Variants in TNFRSF11A observed in about 807,000 individuals in gnomAD.
TNFRSF11A encodes the protein TNF receptor superfamily member 11a.
TNFRSF11A carries 32 observed loss-of-function variants against 55.7 expected under a neutral mutation model. The ratio of observed to expected loss-of-function variants is 0.57; its 90% CI spans 0.43 to 0.77. The LOEUF (loss-of-function observed/expected upper bound fraction) is 0.77, where lower values mean the gene tolerates loss of function less well. TNFRSF11A is among the 30% of genes least tolerant of loss of function. The pLI is 0.00. For missense variants in TNFRSF11A, 753 were observed against 809.8 expected (o/e 0.93, Z 0.85); for synonymous variants, 311 against 331.0 (o/e 0.94, Z 0.65).
At chr18:62,326,131 A>G (rs957933977) in intron 1 of TNFRSF11A, among the ~76,000 whole-genome samples, 3 of 152,252 alleles carry the variant, frequency 2.0e-5, no homozygotes, top group Non-Finnish European at 2.9e-5. Flanking sequence ...AGGGAAGCAC[A>G]CCCAGCACAA....
At chr18:62,369,659 G>A (rs1443062090) in intron 9 of TNFRSF11A, among the ~76,000 whole-genome samples, 175 bp downstream of exon 9, 2 of 152,202 alleles carry the variant, frequency 1.3e-5, no homozygotes, top group Non-Finnish European at 2.9e-5. Flanking sequence ...CACGTGTTTG[G>A]TTATACACTG....
chr18:62,362,443 T>A (rs200302314), intron 7 of TNFRSF11A, among the ~76,000 whole-genome samples: 1 of 126,786 alleles, frequency 7.9e-6, no homozygotes, highest in East Asian at 2.4e-4. Flanking sequence ...TGAGCCAAGA[T>A]CATGCCATTG....
At chr18:62,377,054 C>T (rs757098574) in intron 9 of TNFRSF11A, among the ~76,000 whole-genome samples, 13 of 152,190 alleles carry the variant, frequency 8.5e-5, no homozygotes, top group Non-Finnish European at 1.6e-4. Context: ...GCTGGGACTA[C>T]AGGCGCCTGC....
chr18:62,374,797 C>G (rs190181119), intron 9 of TNFRSF11A, among the ~76,000 whole-genome samples: 2 of 152,288 alleles, frequency 1.3e-5, no homozygotes, highest in East Asian at 3.9e-4. Context: ...ATCACTGATT[C>G]ATTGTTTCTG....
chr18:62,366,674 C>T (rs1910106122), intron 7 of TNFRSF11A, 34 bp from the exon 8 acceptor site: 2 of 1,609,212 alleles, frequency 1.2e-6, no homozygotes, highest in Non-Finnish European at 8.5e-7. Context: ...GAAATAATAA[C>T]TTGAAGTCCT....
intron 1 of TNFRSF11A, among the ~76,000 whole-genome samples, chr18:62,332,500 G>A (rs1310721551): frequency 2.0e-5 from 3 of 152,074 alleles, no homozygotes; most frequent in South Asian, 2.1e-4. Flanking sequence ...TTGCTAACCC[G>A]TTTCCTTGTT....
rs1489961560 is a variant in TNFRSF11A, at chr18:62,335,004, A to G, written c.75+9577A>G. 2.6e-5 allele frequency among the ~76,000 whole-genome samples: 4 copies of G among 152,096 alleles called. 1 individual carries two copies. Among genetic ancestry groups the G allele is most frequent in the African/African-American group, 9.7e-5 (4 of 41,412 alleles). On this transcript the variant is annotated intron_variant, in intron 1 of 9. Transcript: ENST00000586569. ...GCTGGAACCTCTGTCTTAAACCTTA[A>G]CCTATTAACTTCTGTGGGTCACAAG...
In TNFRSF11A at chr18:62,348,252, A is replaced by C; in HGVS notation, c.157+3A>C. 6.2e-7 allele frequency: 1 copy of C among 1,613,474 alleles called. No homozygotes were observed. The highest frequency in any genetic ancestry group is 8.5e-7 in the Non-Finnish European group (1 of 1,179,450). On this transcript the variant is annotated splice_donor_region_variant and intron_variant, in intron 2 of 9. Coordinates refer to ENST00000586569, the MANE Select transcript of TNFRSF11A (RefSeq NM_003839.4). ...GTGCTGTAACAAATGTGAACCAGGTACACCTGCTTCTGAGCCACCTTGCAT... is the reference window on the plus strand; with the variant it reads ...GTGCTGTAACAAATGTGAACCAGGTCCACCTGCTTCTGAGCCACCTTGCAT...
intron 6 of TNFRSF11A, among the ~76,000 whole-genome samples, chr18:62,361,360 G>A (rs1362554524): frequency 1.3e-5 from 2 of 152,130 alleles, no homozygotes; most frequent in Non-Finnish European, 2.9e-5. Flanking sequence ...GATACTGAAG[G>A]GTTCTGGAGG....
At chr18:62,371,989 A>G (rs1055611397) in intron 9 of TNFRSF11A, among the ~76,000 whole-genome samples, 9 of 124,478 alleles carry the variant, frequency 7.2e-5, no homozygotes, top group African/African-American at 2.5e-4. Context: ...AATCACATCA[A>G]ATAGTTCTGG....
chr18:62,354,790 G>T (rs1909133235), intron 4 of TNFRSF11A, among the ~76,000 whole-genome samples: 1 of 152,192 alleles, frequency 6.6e-6, no homozygotes, highest in Non-Finnish European at 1.5e-5. Context: ...GCCAGGGGTT[G>T]CTGGGGCTCC....
At chr18:62,358,683 T>C (rs1909449260) in intron 5 of TNFRSF11A, among the ~76,000 whole-genome samples, 1 of 152,240 alleles carries the variant, frequency 6.6e-6, no homozygotes, top group Admixed American at 6.5e-5. Context: ...CACTGATTTA[T>C]TCATCCAGTT....
At position 62,325,752 on chromosome 18, in the gene TNFRSF11A, G is replaced by A. The variant is rs1426026726; in HGVS notation, c.75+325G>A. Among the ~76,000 whole-genome samples, 2 of 152,206 alleles carry A rather than the reference G, an allele frequency of 1.3e-5. No individual in the cohort carries two copies. Among genetic ancestry groups the A allele is most frequent in the Non-Finnish European group, 2.9e-5 (2 of 68,030 alleles). ...AATGCTTCTTGAGCACCTACTAAGC[G>A]CTTGCGCCGGGCGGTGCCGCGGGAG... On this transcript the variant is annotated intron_variant, in intron 1 of 9. Transcript: ENST00000586569. This position sits in a 1 kb window ranked among gnomAD's most constrained non-coding sequence, Gnocchi z 4.7.
At chr18:62,327,741 G>A (rs1391847668) in intron 1 of TNFRSF11A, among the ~76,000 whole-genome samples, 1 of 152,156 alleles carries the variant, frequency 6.6e-6, no homozygotes, top group East Asian at 1.9e-4. Context: ...CTTATCTGTA[G>A]GGATCGTATT....
At chr18:62,370,913 T>G (rs1415708102) in intron 9 of TNFRSF11A, among the ~76,000 whole-genome samples, 1 of 151,772 alleles carries the variant, frequency 6.6e-6, no homozygotes, top group Non-Finnish European at 1.5e-5. Flanking sequence ...CATTGCAACC[T>G]CCACCTCTCG....
intron 9 of TNFRSF11A, 67 bp from the exon 10 acceptor site, chr18:62,384,684 C>G: frequency 1.9e-6 from 3 of 1,572,148 alleles, no homozygotes; most frequent in Non-Finnish European, 2.6e-6. Flanking sequence ...CGGAACCTTC[C>G]TCTCGGCAGA....
At chr18:62,377,865 G>T (rs762067168) in intron 9 of TNFRSF11A, among the ~76,000 whole-genome samples, 4 of 152,066 alleles carry the variant, frequency 2.6e-5, no homozygotes, top group Non-Finnish European at 5.9e-5. Context: ...TTAAGCCTCG[G>T]ATCTTTTTAG....
chr18:62,351,694 A>G lies in TNFRSF11A; in HGVS notation c.283+1757A>G, dbSNP rs139623498. 7.3e-4 allele frequency among the ~76,000 whole-genome samples: 112 copies of G among 152,382 alleles called. 1 individual carries two copies. The highest frequency in any genetic ancestry group is 2.7e-3 in the Admixed American group (41 of 15,306). ...AGAATAAATGCTTTTAACCTTATTT[A>G]TCACTTTGCAAAACAATATCTTAAT... On this transcript the variant is annotated intron_variant, in intron 3 of 9. Coordinates refer to ENST00000586569, the MANE Select transcript of TNFRSF11A (RefSeq NM_003839.4).
At chr18:62,365,311 G>A (rs948021057) in intron 7 of TNFRSF11A, among the ~76,000 whole-genome samples, 9 of 152,130 alleles carry the variant, frequency 5.9e-5, no homozygotes, top group African/African-American at 2.2e-4. Context: ...CATTAGAAGT[G>A]GGATAAAATT....
Sources: gnomAD v4.1 joint callset for allele counts (sites outside exome capture counted in the v4.1 genomes callset) on GRCh38, gnomAD v4.1.1 for gene constraint, Gnocchi (gnomAD v3.1) non-coding constraint, MANE v1.5 for transcripts, NCBI Gene and HGNC (gene_info 2026-07-23, HGNC 2026-07-21) for gene names.